The following NAV3 variants were observed in gnomAD, a reference collection of about 807,000 sequenced individuals.
NAV3 encodes the protein neuron navigator 3.
NAV3 carries 87 observed loss-of-function variants against 244.7 expected under a neutral mutation model. That is an observed-to-expected ratio of 0.36 (90% CI 0.30 to 0.42). The LOEUF (loss-of-function observed/expected upper bound fraction) is 0.42. Ranked by LOEUF, NAV3 falls within the 20% of genes least tolerant of loss-of-function variation. NAV3 has a pLI of 1.00. For synonymous variants in NAV3, 1,126 were observed against 1,042.2 expected, an observed-to-expected ratio of 1.08 and a Z score of -1.55; for missense variants, 2,663 against 2,893.3, an observed-to-expected ratio of 0.92 and a Z score of 1.83.
At position 78,188,310 on chromosome 12, in the gene NAV3, T is replaced by G. The variant is rs766321760; in HGVS notation, c.5853T>G (p.Asp1951Glu). The G allele has an allele frequency of 1.9e-6, 3 of 1,611,478 alleles. No homozygotes were observed. Among genetic ancestry groups the G allele is most frequent in the Non-Finnish European group, 2.5e-6 (3 of 1,178,228 alleles). ...SIGVSGKTKW[D>E]VLDGVIRRLF... ...GTGTTAGTGGAAAAACCAAGTGGGA[T>G]GTCTTAGATGGTGTAATAAGACGTC... is the stretch of plus-strand genomic sequence containing the variant. The change falls in exon 32 of 40, where the codon GAT (aspartate) becomes GAG (glutamate). Residue 1951 changes from aspartate (D) to glutamate (E), a missense_variant. Transcript: ENST00000397909.
chr12:77,708,603 A>T (rs113210674), intron 2 of NAV3, among the ~76,000 whole-genome samples: 2 of 152,086 alleles, frequency 1.3e-5, no homozygotes, highest in African/African-American at 4.8e-5. Flanking sequence ...GAAGAAGGTC[A>T]TTGGTAGCTT....
At chr12:78,144,927 A>G (rs1258386497) in intron 20 of NAV3, 24 of 143,818 alleles carry the variant, frequency 1.7e-4, no homozygotes, top group Admixed American at 2.2e-4. Flanking sequence ...AAAAAAAAAA[A>G]AAAAAAAAAA....
chr12:77,707,048 CT>C (rs541988750), intron 2 of NAV3, among the ~76,000 whole-genome samples: 2 of 151,104 alleles, frequency 1.3e-5, no homozygotes, highest in Non-Finnish European at 3.0e-5. Context: ...GAATTGCTAC[CT>C]TTTTTTTCTT....
intron 2 of NAV3, among the ~76,000 whole-genome samples, chr12:77,670,937 G>A (rs768817519): frequency 1.1e-4 from 16 of 152,148 alleles, no homozygotes; most frequent in Non-Finnish European, 1.9e-4. Flanking sequence ...GTCCTAGCCA[G>A]AGCAATCAGA....
At chr12:77,695,911 G>T (rs1875274624) in intron 2 of NAV3, among the ~76,000 whole-genome samples, 1 of 152,080 alleles carries the variant, frequency 6.6e-6, no homozygotes, top group Non-Finnish European at 1.5e-5. Flanking sequence ...CCCCAGAGAA[G>T]ATTATGAAAG....
chr12:77,819,721 A>G (rs187496250), intron 2 of NAV3, among the ~76,000 whole-genome samples: 1 of 152,282 alleles, frequency 6.6e-6, no homozygotes, highest in Non-Finnish European at 1.5e-5. Flanking sequence ...TATGTTGATA[A>G]TGATACAAAA....
At chr12:78,152,256 A>G (rs181272396) in intron 22 of NAV3, among the ~76,000 whole-genome samples, 258 of 151,440 alleles carry the variant, frequency 1.7e-3, no homozygotes, top group Non-Finnish European at 3.0e-3. Flanking sequence ...CTACTTTTAA[A>G]AAAAAGTTTA....
intron 2 of NAV3, among the ~76,000 whole-genome samples, chr12:77,676,503 T>C (rs1440439929): frequency 6.6e-6 from 1 of 152,124 alleles, no homozygotes; most frequent in African/African-American, 2.4e-5. Flanking sequence ...AAGTGGGCTT[T>C]CTTTTCTTTT....
chr12:77,951,874 C>T (rs1191312120), intron 3 of NAV3, among the ~76,000 whole-genome samples: 1 of 151,878 alleles, frequency 6.6e-6, no homozygotes, highest in Non-Finnish European at 1.5e-5. Context: ...AACATGAGAA[C>T]ACTTGGACAC....
chr12:78,141,533 T>C (rs1956614761), intron 20 of NAV3, among the ~76,000 whole-genome samples: 1 of 152,164 alleles, frequency 6.6e-6, no homozygotes, highest in Non-Finnish European at 1.5e-5. Flanking sequence ...CTCATTATCA[T>C]TAGGTTCAAA....
At chr12:77,582,190 A>G (rs1869395895) in intron 2 of NAV3, among the ~76,000 whole-genome samples, 1 of 152,196 alleles carries the variant, frequency 6.6e-6, no homozygotes, top group Admixed American at 6.5e-5. Context: ...ATTACATATC[A>G]AATTATTCCT....
chr12:77,762,503 T>C (rs1869523005), intron 2 of NAV3, among the ~76,000 whole-genome samples: 1 of 152,036 alleles, frequency 6.6e-6, no homozygotes, highest in Non-Finnish European at 1.5e-5. Flanking sequence ...CTCAGGAGGC[T>C]GTGGCAGGGG....
intron 1 of NAV3, among the ~76,000 whole-genome samples, chr12:77,872,610 G>A (rs1283586460): frequency 6.6e-6 from 1 of 152,090 alleles, no homozygotes; most frequent in African/African-American, 2.4e-5. Context: ...GCAATCCCAG[G>A]GAATCAAGGA....
At chr12:78,175,272 A>C (rs955717102) in intron 24 of NAV3, 34 bp from the exon 25 acceptor site, 1 of 1,606,500 alleles carries the variant, frequency 6.2e-7, no homozygotes, top group African/African-American at 1.3e-5. Flanking sequence ...GAGACTCTTC[A>C]TGAGCCGATG....
intron 2 of NAV3, among the ~76,000 whole-genome samples, chr12:77,713,321 T>C (rs1206656851): frequency 6.6e-6 from 1 of 152,248 alleles, no homozygotes; most frequent in Non-Finnish European, 1.5e-5. Context: ...AAGTATGGTG[T>C]AAGCAGAAAT....
chr12:78,208,598 G>C (rs917267898), intron 39 of NAV3, among the ~76,000 whole-genome samples: 1 of 151,986 alleles, frequency 6.6e-6, no homozygotes, highest in Admixed American at 6.6e-5. Context: ...TAAATCCCAC[G>C]TATACATTTA....
chr12:78,092,648 T>C (rs1344439232), intron 12 of NAV3, among the ~76,000 whole-genome samples: 1 of 151,796 alleles, frequency 6.6e-6, no homozygotes, highest in African/African-American at 2.4e-5. Context: ...TACAGGCGCC[T>C]GCCACCATGC....
rs576906919 is a variant in NAV3, at chr12:77,792,663, C to T, written c.73-147656C>T. Among the ~76,000 whole-genome samples the T allele has an allele frequency of 1.3e-3, 193 of 152,228 alleles. No homozygotes were observed. In the Middle Eastern group the frequency reaches 0.024, roughly 19 times the overall value. ...TCCCGGAAAATTTTGCAGAACTTTCCCTAGATTACACAGTAGCCTGAGACA... is the reference window on the plus strand; with the variant it reads ...TCCCGGAAAATTTTGCAGAACTTTCTCTAGATTACACAGTAGCCTGAGACA... On this transcript the variant is annotated intron_variant, in intron 2 of 8. Coordinates refer to the NAV3 transcript ENST00000550042.
At chr12:78,168,973 CA>C in intron 24 of NAV3, 107 bp downstream of exon 24, 2 of 656,058 alleles carry the variant, frequency 3.0e-6, no homozygotes, top group South Asian at 4.5e-5. Flanking sequence ...ATTATTAATA[CA>C]TACTAGTTGT....
Sources: gnomAD v4.1 joint callset for allele counts (sites outside exome capture counted in the v4.1 genomes callset) on GRCh38, gnomAD v4.1.1 for gene constraint, MANE v1.5 for transcripts, NCBI Gene and HGNC (gene_info 2026-07-23, HGNC 2026-07-21) for gene names.